FAM178B: variants seen among roughly 807,000 people sequenced by gnomAD.
The protein encoded by FAM178B is protein FAM178B.
In FAM178B, 82 loss-of-function variants were observed where a neutral mutation model predicts 91.7. That is an observed-to-expected ratio of 0.89 (90% CI 0.75 to 1.07). The LOEUF (loss-of-function observed/expected upper bound fraction) is 1.07, where lower values mean the gene tolerates loss of function less well. Among genes scored for constraint, FAM178B ranks in the 50% least tolerant of loss-of-function variants. The probability of loss-of-function intolerance (pLI) is 0.00; values close to 1 mark genes in which losing one functional copy is unlikely to be tolerated. For missense variants in FAM178B, 769 were observed against 846.7 expected (o/e 0.91, Z 1.14); for synonymous variants, 368 against 359.4 (o/e 1.02, Z -0.27).
intron 8 of FAM178B, among the ~76,000 whole-genome samples, chr2:96,947,379 G>A (rs1190589772): frequency 6.6e-6 from 1 of 152,156 alleles, no homozygotes; most frequent in Non-Finnish European, 1.5e-5. Flanking sequence ...GTCAGTGAGG[G>A]AGACAGCTTC....
At chr2:96,950,258 C>G in intron 7 of FAM178B, 3 of 813,622 alleles carry the variant, frequency 3.7e-6, no homozygotes, top group Non-Finnish European at 4.5e-6. Context: ...GGCTGCACCG[C>G]CAGCGTGGGG....
At chr2:96,986,129 C>T in intron 1 of FAM178B, 112 bp downstream of exon 1, 3 of 1,486,050 alleles carry the variant, frequency 2.0e-6, no homozygotes, top group African/African-American at 1.4e-5. Flanking sequence ...GCCCGGCGGC[C>T]GCACCGGGGC....
chr2:96,951,731 C>T (rs2081931011), intron 6 of FAM178B: 2 of 419,880 alleles, frequency 4.8e-6, no homozygotes, highest in Non-Finnish European at 8.8e-6. Flanking sequence ...GTTTAAAACA[C>T]ATGGCGGGTG....
At chr2:96,980,615 T>A (rs2082349012) in intron 1 of FAM178B, among the ~76,000 whole-genome samples, 1 of 149,396 alleles carries the variant, frequency 6.7e-6, no homozygotes, top group Non-Finnish European at 1.5e-5. Context: ...GTTGCCCAGG[T>A]TGGTCTCAAA....
chr2:96,923,364 A>T, intron 10 of FAM178B, 126 bp downstream of exon 10: 1 of 720,528 alleles, frequency 1.4e-6, no homozygotes, highest in East Asian at 2.8e-5. Context: ...GCCCACAGCC[A>T]GCACAGTGCC....
intron 13 of FAM178B, among the ~76,000 whole-genome samples, chr2:96,897,230 G>A (rs1487922219): frequency 1.3e-5 from 2 of 152,124 alleles, no homozygotes; most frequent in African/African-American, 4.8e-5. Flanking sequence ...TAAACTCTCT[G>A]AGGGCAGTTT....
intron 12 of FAM178B, among the ~76,000 whole-genome samples, chr2:96,907,217 A>G (rs1371406095): frequency 6.6e-6 from 1 of 152,128 alleles, no homozygotes; most frequent in African/African-American, 2.4e-5. Flanking sequence ...CCCGTCCTGC[A>G]TTCTTAGTTC....
chr2:96,934,717 GTCTC>G (rs955863833), intron 8 of FAM178B, among the ~76,000 whole-genome samples: 25 of 152,024 alleles, frequency 1.6e-4, no homozygotes, highest in Non-Finnish European at 1.5e-5. Context: ...GCTGTTCCTG[GTCTC>G]TCTCTCACCG....
At chr2:96,885,455 C>A (rs2080494224) in intron 14 of FAM178B, among the ~76,000 whole-genome samples, 1 of 152,246 alleles carries the variant, frequency 6.6e-6, no homozygotes, top group African/African-American at 2.4e-5. Context: ...CCCTGAGCAG[C>A]CCTGGCTCCT....
chr2:96,892,140 G>A (rs532015685), intron 14 of FAM178B, among the ~76,000 whole-genome samples: 59 of 152,334 alleles, frequency 3.9e-4, no homozygotes, highest in Non-Finnish European at 7.1e-4. Flanking sequence ...TCATCCGGCC[G>A]GGGTGGGAGT....
At chr2:96,946,830 C>T (rs1423820418) in intron 8 of FAM178B, among the ~76,000 whole-genome samples, 3 of 152,380 alleles carry the variant, frequency 2.0e-5, no homozygotes, top group East Asian at 3.9e-4. Flanking sequence ...GGAGAGGGCA[C>T]TGAGACTGGT....
intron 12 of FAM178B, among the ~76,000 whole-genome samples, chr2:96,915,019 C>T (rs1437658204): frequency 3.9e-5 from 6 of 152,002 alleles, no homozygotes; most frequent in Admixed American, 6.5e-5. Flanking sequence ...GGAGTCTCCA[C>T]GGCTGTGTTT....
chr2:96,936,734 C>T (rs1206513420), intron 8 of FAM178B, among the ~76,000 whole-genome samples: 2 of 151,962 alleles, frequency 1.3e-5, no homozygotes, highest in African/African-American at 4.8e-5. Context: ...TGGTCTCGAA[C>T]TCCTGACTTC....
chr2:96,912,457 G>C (rs998120604), intron 12 of FAM178B, among the ~76,000 whole-genome samples: 8 of 152,008 alleles, frequency 5.3e-5, no homozygotes, highest in African/African-American at 1.9e-4. Flanking sequence ...GCTGGTGGGG[G>C]AGGGGTATCC....
Position 96,921,633 on chromosome 2 carries a change from C to T in FAM178B, c.1309G>A (p.Ala437Thr), listed in dbSNP as rs769748433. The change falls in exon 11 of 17, where the codon GCC becomes ACC. Residue 437 changes from alanine to threonine, a missense_variant. Ala to Thr is a moderately conservative substitution (Grantham distance 58). Transcript: ENST00000490605. ...IYKFLALCAQ[A>T]QPGAYTDENL... The stretch of plus-strand genomic sequence containing the variant: ...TCATCAGTGTAGGCCCCCGGCTGGG[C>T]CTGGGCACACAGCGCCAGAAACTGG... 6.4e-7 allele frequency: 1 copy of T among 1,551,532 alleles called. No individual in the cohort carries two copies. The highest frequency in any genetic ancestry group is 1.2e-5 in the South Asian group (1 of 84,056).
At chr2:96,929,502 T>C (rs1442843420) in intron 8 of FAM178B, among the ~76,000 whole-genome samples, 182 bp from the exon 9 acceptor site, 3 of 152,258 alleles carry the variant, frequency 2.0e-5, no homozygotes, top group Non-Finnish European at 4.4e-5. Flanking sequence ...TCTGGGGCTT[T>C]GTGAATTTCA....
intron 12 of FAM178B, among the ~76,000 whole-genome samples, chr2:96,913,128 A>G (rs2081187049): frequency 6.6e-6 from 1 of 152,220 alleles, no homozygotes; most frequent in African/African-American, 2.4e-5. Context: ...GTTTTGGGAG[A>G]GGCAGGACTG....
intron 13 of FAM178B, among the ~76,000 whole-genome samples, chr2:96,898,830 G>A (rs577890059): frequency 6.6e-6 from 1 of 152,240 alleles, no homozygotes; most frequent in Non-Finnish European, 1.5e-5. Flanking sequence ...ACTACTGCGG[G>A]TCGGGGGTGA....
chr2:96,917,717 G>A (rs1384335863), intron 12 of FAM178B, among the ~76,000 whole-genome samples: 1 of 152,156 alleles, frequency 6.6e-6, no homozygotes, highest in Non-Finnish European at 1.5e-5. Context: ...TTAGATGGGT[G>A]TGTTGGCATC....
Sources: gnomAD v4.1 joint callset for allele counts (sites outside exome capture counted in the v4.1 genomes callset) on GRCh38, gnomAD v4.1.1 for gene constraint, MANE v1.5 for transcripts, NCBI Gene and HGNC (gene_info 2026-07-23, HGNC 2026-07-21) for gene names.